The following MARCHF8 variants were observed in gnomAD, a reference collection of about 807,000 sequenced individuals.
The protein encoded by MARCHF8 is membrane associated ring-CH-type finger 8.
MARCHF8 carries 40 observed loss-of-function variants against 51.6 expected under a neutral mutation model. That is an observed-to-expected ratio of 0.77 (90% CI 0.60 to 1.01). The LOEUF (loss-of-function observed/expected upper bound fraction) is 1.01, where lower values mean the gene tolerates loss of function less well. MARCHF8 is among the 50% of genes least tolerant of loss of function. The pLI, the probability that MARCHF8 is intolerant of heterozygous loss-of-function variation, is 0.00. For missense variants in MARCHF8, 685 were observed against 708.6 expected (o/e 0.97, Z 0.38); for synonymous variants, 263 against 280.3 (o/e 0.94, Z 0.62).
At chr10:45,516,945 T>C (rs1378744611) in intron 2 of MARCHF8, among the ~76,000 whole-genome samples, 1 of 152,194 alleles carries the variant, frequency 6.6e-6, no homozygotes, top group East Asian at 1.9e-4. Context: ...GCTAAATCTA[T>C]TCACTCTGCT....
At chr10:45,541,942 T>C (rs950981781) in intron 1 of MARCHF8, among the ~76,000 whole-genome samples, 4 of 152,206 alleles carry the variant, frequency 2.6e-5, no homozygotes, top group South Asian at 2.1e-4. Flanking sequence ...TTCTAGGACA[T>C]TGGGTACACC....
chr10:45,553,661 A>G (rs1411640097), intron 1 of MARCHF8, among the ~76,000 whole-genome samples: 6 of 152,264 alleles, frequency 3.9e-5, no homozygotes, highest in African/African-American at 1.4e-4. Context: ...AAATTCACAC[A>G]ATGAAATAGA....
chr10:45,560,288 T>C (rs2044295012), intron 1 of MARCHF8, among the ~76,000 whole-genome samples: 1 of 151,642 alleles, frequency 6.6e-6, no homozygotes, highest in South Asian at 2.1e-4. Flanking sequence ...GGCCAAGAGG[T>C]TTTATAAAAG....
chr10:45,505,303 T>A (rs1387874876), intron 2 of MARCHF8, among the ~76,000 whole-genome samples: 1 of 152,294 alleles, frequency 6.6e-6, no homozygotes, highest in East Asian at 1.9e-4. Context: ...GTCCTAGGGG[T>A]AGACACTATC....
At chr10:45,511,444 C>A (rs1000935425) in intron 2 of MARCHF8, among the ~76,000 whole-genome samples, 1 of 152,216 alleles carries the variant, frequency 6.6e-6, no homozygotes, top group Non-Finnish European at 1.5e-5. Flanking sequence ...TCCACGGTCT[C>A]CCTCTGATGC....
At chr10:45,516,625 G>A (rs939831096) in intron 2 of MARCHF8, among the ~76,000 whole-genome samples, 7 of 152,144 alleles carry the variant, frequency 4.6e-5, no homozygotes, top group Non-Finnish European at 7.3e-5. Flanking sequence ...TAAGCTGGGC[G>A]TGGTGGCACG....
intron 3 of MARCHF8, among the ~76,000 whole-genome samples, chr10:45,486,893 T>C (rs555582284): frequency 1.3e-3 from 185 of 141,864 alleles, no homozygotes; most frequent in Non-Finnish European, 2.5e-3. Context: ...CACTGCAACC[T>C]CCGCCTCCCA....
intron 1 of MARCHF8, among the ~76,000 whole-genome samples, chr10:45,560,583 A>G (rs1489229006): frequency 6.6e-6 from 1 of 152,128 alleles, no homozygotes; most frequent in Non-Finnish European, 1.5e-5. Context: ...GACTCTTTAC[A>G]GCACCCTCCT....
intron 2 of MARCHF8, among the ~76,000 whole-genome samples, chr10:45,495,855 GAAGAA>G (rs1396671424): frequency 6.6e-6 from 1 of 151,260 alleles, no homozygotes; most frequent in Non-Finnish European, 1.5e-5. Context: ...AAAGAAAAGA[GAAGAA>G]GAGAAGAGAG....
intron 1 of MARCHF8, among the ~76,000 whole-genome samples, chr10:45,554,117 T>C (rs1031932365): frequency 2.0e-5 from 3 of 152,202 alleles, no homozygotes; most frequent in South Asian, 2.1e-4. Context: ...TTACCAGACA[T>C]CCCTATAGGA....
chr10:45,516,075 G>T (rs540169507), intron 2 of MARCHF8, among the ~76,000 whole-genome samples: 5 of 152,242 alleles, frequency 3.3e-5, no homozygotes, highest in Admixed American at 3.3e-4. Flanking sequence ...CCCATCCCAT[G>T]AATGAGAGGA....
Position 45,510,408 on chromosome 10 carries a change from G to A in MARCHF8, c.103-20991C>T, listed in dbSNP as rs185468579. Among the ~76,000 whole-genome samples, 299 of 152,148 alleles carry A rather than the reference G, an allele frequency of 2.0e-3. 2 individuals carry two copies. The highest frequency in any genetic ancestry group is 0.01 in the Middle Eastern group (3 of 294). The stretch of plus-strand genomic sequence containing the variant: ...CAAACATAAAAGGAAAAGCCAAGTC[G>A]TCTTAAGGAATAACAAAAATGGCAT... On this transcript the variant is annotated intron_variant, in intron 2 of 7. Transcript: ENST00000453424.
intron 3 of MARCHF8, among the ~76,000 whole-genome samples, chr10:45,488,963 T>A (rs1251815828): frequency 6.6e-6 from 1 of 152,198 alleles, no homozygotes; most frequent in South Asian, 2.1e-4. Flanking sequence ...TGTGATCAAC[T>A]CTGCCCTGGA....
intron 1 of MARCHF8, among the ~76,000 whole-genome samples, chr10:45,584,358 T>C (rs2044594446): frequency 6.6e-6 from 1 of 151,774 alleles, no homozygotes; most frequent in Non-Finnish European, 1.5e-5. Flanking sequence ...TAAAATTATT[T>C]ATGTAAAACT....
rs376310152 is a variant in MARCHF8, at chr10:45,463,472, C to T, written c.767G>A (p.Arg256Gln). Residue 256 changes from arginine (R) to glutamine (Q), a missense_variant, in exon 5 of 8, where the codon CGG (arginine) becomes CAG (glutamine). Arg to Gln is a conservative substitution (Grantham distance 43). Coordinates refer to ENST00000453424, the MANE Select transcript of MARCHF8 (RefSeq NM_001282866.2). ...KADGEATSRS[R>Q]QLLQYLFSLS... Reference sequence around the variant, plus strand: ...TGAGAACAGGTACTGGAGCAGTTGCCGGCTTCGGGACGTGGCCTCACCATC... The same window carrying T: ...TGAGAACAGGTACTGGAGCAGTTGCTGGCTTCGGGACGTGGCCTCACCATC... The T allele has an allele frequency of 7.7e-6, 12 of 1,550,636 alleles. 1 individual carries two copies. The highest frequency in any genetic ancestry group is 1.4e-5 in the African/African-American group (1 of 73,172).
intron 3 of MARCHF8, among the ~76,000 whole-genome samples, chr10:45,483,492 T>C (rs1430898157): frequency 6.6e-6 from 1 of 152,126 alleles, no homozygotes; most frequent in East Asian, 1.9e-4. Flanking sequence ...ACAACCAGTA[T>C]GAAAAATAGT....
Position 45,458,513 on chromosome 10 carries a change from A to C in MARCHF8, c.1448T>G (p.Leu483Trp). 2 of 1,603,882 alleles carry C rather than the reference A, an allele frequency of 1.2e-6. No homozygotes were observed. The highest frequency in any genetic ancestry group is 1.7e-6 in the Non-Finnish European group (2 of 1,175,488). ...GILEWPFWTK[L>W]VVVAIGFTGG... is the part of the protein sequence containing the mutation. ...GGTGAAGCCGATGGCCACAACCACCAATTTAGTCCAAAAGGGCCATTCTAG... is the reference window on the plus strand; with the variant it reads ...GGTGAAGCCGATGGCCACAACCACCCATTTAGTCCAAAAGGGCCATTCTAG... The change falls in exon 8 of 8, where the codon TTG becomes TGG. Residue 483 changes from leucine to tryptophan, a missense_variant. Transcript: ENST00000453424.
chr10:45,518,750 C>T (rs2043659466), intron 2 of MARCHF8, among the ~76,000 whole-genome samples: 1 of 152,220 alleles, frequency 6.6e-6, no homozygotes, highest in African/African-American at 2.4e-5. Flanking sequence ...CTGCTGATCT[C>T]AGTTCAGCAG....
chr10:45,581,075 A>G (rs976730110), intron 1 of MARCHF8, among the ~76,000 whole-genome samples: 1 of 152,070 alleles, frequency 6.6e-6, no homozygotes, highest in African/African-American at 2.4e-5. Context: ...GACCTTAACC[A>G]TGGCAGAGGA....
Sources: allele counts gnomAD v4.1 joint callset (sites outside exome capture counted in the v4.1 genomes callset), GRCh38; gene constraint gnomAD v4.1.1; transcripts MANE v1.5; gene names NCBI Gene and HGNC (gene_info 2026-07-23, HGNC 2026-07-21).